ADK: variants seen among roughly 807,000 people sequenced by gnomAD.
ADK encodes the protein N6,N6-dimethyladenosine kinase.
In ADK, 24 loss-of-function variants were observed where a neutral mutation model predicts 44.7. The observed-to-expected ratio is 0.54, with a 90% CI of 0.39 to 0.76. ADK has a LOEUF of 0.76. Ranked by LOEUF, ADK falls within the 30% of genes least tolerant of loss-of-function variation. The pLI, the probability that ADK is intolerant of heterozygous loss-of-function variation, is 0.00. For missense variants in ADK, 321 were observed against 425.1 expected, an observed-to-expected ratio of 0.76 and a Z score of 2.15; for synonymous variants, 128 against 142.6, an observed-to-expected ratio of 0.90 and a Z score of 0.73.
chr10:74,349,886 A>G (rs1211393011), intron 4 of ADK, among the ~76,000 whole-genome samples: 1 of 152,222 alleles, frequency 6.6e-6, no homozygotes, highest in African/African-American at 2.4e-5. Flanking sequence ...ATATGCACCC[A>G]CTACAGGAGC....
At chr10:74,449,919 G>A (rs189205253) in intron 6 of ADK, among the ~76,000 whole-genome samples, 4 of 152,284 alleles carry the variant, frequency 2.6e-5, no homozygotes, top group East Asian at 1.9e-4. Context: ...GAGCAAAAAC[G>A]TAACTTAAAA....
chr10:74,527,227 G>A (rs1277718840), intron 7 of ADK, among the ~76,000 whole-genome samples: 3 of 152,178 alleles, frequency 2.0e-5, no homozygotes, highest in Non-Finnish European at 4.4e-5. Flanking sequence ...CAGGCGTGGT[G>A]GCGAGTGCCT....
At chr10:74,151,463 G>A in intron 1 of ADK, 120 bp downstream of exon 1, 1 of 1,101,200 alleles carries the variant, frequency 9.1e-7, no homozygotes, top group Admixed American at 2.0e-5. Flanking sequence ...GGGCCAACAC[G>A]CAGGACCTCC....
At chr10:74,196,096 G>T (rs915354151) in intron 1 of ADK, among the ~76,000 whole-genome samples, 1 of 151,694 alleles carries the variant, frequency 6.6e-6, no homozygotes, top group South Asian at 2.1e-4. Context: ...GAGCCACCAC[G>T]TCCAGCCTGT....
chr10:74,547,291 A>T (rs1280237896), intron 7 of ADK, among the ~76,000 whole-genome samples: 2 of 151,796 alleles, frequency 1.3e-5, no homozygotes, highest in East Asian at 1.9e-4. Flanking sequence ...TTAACTTGTC[A>T]TGTTTCTTTG....
chr10:74,236,249 A>G (rs1043318294), intron 3 of ADK, among the ~76,000 whole-genome samples: 11 of 152,352 alleles, frequency 7.2e-5, no homozygotes, highest in Admixed American at 5.9e-4. Context: ...GATTTCAACC[A>G]TAAAGCTAGG....
At chr10:74,641,285 T>A (rs1291509034) in intron 9 of ADK, 1 of 152,114 alleles carries the variant, frequency 6.6e-6, no homozygotes, top group Non-Finnish European at 1.5e-5. Flanking sequence ...GGCAGAAGGA[T>A]CCCTTGAGCC....
chr10:74,375,295 T>G (rs1842783775), intron 4 of ADK, among the ~76,000 whole-genome samples: 1 of 152,236 alleles, frequency 6.6e-6, no homozygotes, highest in Non-Finnish European at 1.5e-5. Flanking sequence ...TTTTTTAATA[T>G]AAAAATGACA....
chr10:74,644,384 C>G (rs1853985960), intron 9 of ADK, among the ~76,000 whole-genome samples: 1 of 152,116 alleles, frequency 6.6e-6, no homozygotes, highest in Non-Finnish European at 1.5e-5. Flanking sequence ...TACAGTGGCC[C>G]CATTTTCCTT....
chr10:74,675,225 T>C (rs182886051), intron 10 of ADK, among the ~76,000 whole-genome samples: 1 of 152,338 alleles, frequency 6.6e-6, no homozygotes, highest in Admixed American at 6.5e-5. Context: ...CCAGCTACCA[T>C]GTGCTAATTA....
chr10:74,421,011 A>G (rs572977278), intron 6 of ADK, among the ~76,000 whole-genome samples: 2 of 152,330 alleles, frequency 1.3e-5, no homozygotes, highest in South Asian at 4.1e-4. Context: ...AAAGAACTGT[A>G]CATCACAAAG....
At chr10:74,223,901 C>A (rs1262521620) in intron 2 of ADK, among the ~76,000 whole-genome samples, 2 of 152,036 alleles carry the variant, frequency 1.3e-5, no homozygotes, top group Admixed American at 1.3e-4. Flanking sequence ...GCAGCCTGGC[C>A]AACATGTTAA....
intron 6 of ADK, among the ~76,000 whole-genome samples, chr10:74,479,309 A>G (rs745957766): frequency 6.6e-6 from 1 of 151,640 alleles, no homozygotes; most frequent in Non-Finnish European, 1.5e-5. Context: ...ATATCTTTAT[A>G]TTAGGATTGC....
chr10:74,284,285 G>A, intron 3 of ADK, among the ~76,000 whole-genome samples: 1 of 86,590 alleles, frequency 1.2e-5, no homozygotes, highest in African/African-American at 4.4e-5. Context: ...TTTTTTTTTT[G>A]AGACGGAATT....
chr10:74,391,828 C>T (rs1028163183), intron 4 of ADK, among the ~76,000 whole-genome samples: 15 of 152,108 alleles, frequency 9.9e-5, no homozygotes, highest in Non-Finnish European at 2.2e-4. Context: ...CACTGAAACT[C>T]TGTACCCATT....
At chr10:74,585,737 G>A (rs1432163699) in intron 7 of ADK, among the ~76,000 whole-genome samples, 1 of 152,122 alleles carries the variant, frequency 6.6e-6, no homozygotes, top group African/African-American at 2.4e-5. Flanking sequence ...ATTCTAACCC[G>A]AGCTGTTCTC....
Position 74,548,606 on chromosome 10 carries a change from A to T in ADK, c.726+23180A>T, listed in dbSNP as rs550162983. On this transcript the variant is annotated intron_variant, in intron 7 of 10. Transcript: ENST00000539909. The stretch of plus-strand genomic sequence containing the variant: ...ACCAGTGGTTTGAGTATTCGGGAAG[A>T]CTTCATGGTAGAGATAAAGAGAGGG... Among the ~76,000 whole-genome samples the T allele has an allele frequency of 4.6e-5, 7 of 152,320 alleles. No homozygotes were observed. The South Asian group carries it at 1.4e-3, about 32-fold the overall frequency.
At chr10:74,297,536 T>G (rs981986360) in intron 3 of ADK, among the ~76,000 whole-genome samples, 6 of 152,226 alleles carry the variant, frequency 3.9e-5, no homozygotes, top group Admixed American at 2.0e-4. Context: ...GGTATAATAC[T>G]CATTAATTTA....
intron 6 of ADK, among the ~76,000 whole-genome samples, chr10:74,468,558 C>A (rs1365917327): frequency 1.3e-5 from 2 of 152,098 alleles, no homozygotes; most frequent in Non-Finnish European, 2.9e-5. Flanking sequence ...CATTAGATGG[C>A]AAATTGGGCC....
Sources: gnomAD v4.1 joint callset for allele counts (sites outside exome capture counted in the v4.1 genomes callset) on GRCh38, gnomAD v4.1.1 for gene constraint, MANE v1.5 for transcripts, NCBI Gene and HGNC (gene_info 2026-07-23, HGNC 2026-07-21) for gene names.